Variants in SLC30A8 observed in about 807,000 individuals in gnomAD.
SLC30A8 encodes solute carrier family 30 member 8.
A neutral mutation model predicts 36.9 loss-of-function variants in SLC30A8; 27 were observed. The observed-to-expected ratio is 0.73, with a 90% CI of 0.54 to 1.01. The LOEUF is 1.01. SLC30A8 is among the 50% of genes least tolerant of loss of function. SLC30A8 has a pLI of 0.00. For missense variants in SLC30A8, 439 were observed against 452.0 expected (o/e 0.97, Z 0.26); for synonymous variants, 164 against 172.4 (o/e 0.95, Z 0.38).
chr8:117,119,483 C>T (rs1237728887), intron 2 of SLC30A8, among the ~76,000 whole-genome samples: 1 of 151,826 alleles, frequency 6.6e-6, no homozygotes, highest in Non-Finnish European at 1.5e-5. Context: ...AAGAGGAAGT[C>T]AAGGGGAATG....
At chr8:117,002,277 A>C (rs1477569416) in intron 1 of SLC30A8, among the ~76,000 whole-genome samples, 1 of 152,224 alleles carries the variant, frequency 6.6e-6, no homozygotes, top group Non-Finnish European at 1.5e-5. Context: ...TGCCAAGAGC[A>C]AGAGAGATAA....
rs145677283 is a variant in SLC30A8, at chr8:117,157,766, G to A, written c.494G>A (p.Arg165His). 7.1e-5 allele frequency: 115 copies of A among 1,614,048 alleles called. 1 individual carries two copies. In the Admixed American group the frequency reaches 1.1e-3, roughly 15 times the overall value. ...GTGCTAGTGTACCTGGCATGTGAGC[G>A]CCTGCTGTATCCTGATTACCAGATC... is the stretch of plus-strand genomic sequence containing the variant. The part of the protein sequence containing the change: ...TGVLVYLACE[R>H]LLYPDYQIQA... The change falls in exon 4 of 8, where the codon CGC becomes CAC. Residue 165 changes from arginine (R) to histidine (H), a missense_variant. Physicochemically the swap from Arg to His is conservative, Grantham distance 29. Coordinates refer to ENST00000456015, the MANE Select transcript of SLC30A8 (RefSeq NM_173851.3).
chr8:117,020,732 A>G (rs1449131408), intron 1 of SLC30A8, among the ~76,000 whole-genome samples: 1 of 152,196 alleles, frequency 6.6e-6, no homozygotes, highest in Non-Finnish European at 1.5e-5. Flanking sequence ...TTGGAGAGAT[A>G]TTGGTATTGT....
Position 117,161,865 on chromosome 8 carries a change from A to T in SLC30A8, c.700A>T (p.Ser234Cys). 1.2e-6 allele frequency: 2 copies of T among 1,613,494 alleles called. No individual in the cohort carries two copies. The highest frequency in any genetic ancestry group is 8.5e-7 in the Non-Finnish European group (1 of 1,179,624). Reference protein sequence around the residue: ...DLFQSISVLISALIIYFKPEY... With the variant: ...DLFQSISVLICALIIYFKPEY... ...ATTTCAGAGTATCAGTGTGCTAATT[A>T]GTGCACTTATTATCTACTTTAAGGT... Residue 234 changes from serine to cysteine, a missense_variant, in exon 5 of 8, where the codon AGT (serine) becomes TGT (cysteine). Ser to Cys is a moderately radical substitution (Grantham distance 112, BLOSUM62 -1). Transcript: ENST00000456015.
intron 2 of SLC30A8, among the ~76,000 whole-genome samples, chr8:117,077,256 C>G (rs921780777): frequency 2.0e-5 from 3 of 152,138 alleles, no homozygotes; most frequent in Admixed American, 6.6e-5. Flanking sequence ...TGTCAGGGCT[C>G]TAGCTCATAG....
chr8:116,957,753 G>A (rs1162436401), intron 1 of SLC30A8, among the ~76,000 whole-genome samples: 3 of 152,190 alleles, frequency 2.0e-5, no homozygotes, highest in African/African-American at 7.2e-5. Flanking sequence ...TTGTGGGATT[G>A]TATGATATTG....
chr8:117,053,288 T>C (rs1015823175), intron 2 of SLC30A8, among the ~76,000 whole-genome samples: 1 of 152,166 alleles, frequency 6.6e-6, no homozygotes, highest in Non-Finnish European at 1.5e-5. Context: ...TTTACTAAGA[T>C]TTTTTTCCCT....
At chr8:117,132,826 G>T (rs1158101018), upstream of SLC30A8, among the ~76,000 whole-genome samples, 1 of 151,968 alleles carries the variant, frequency 6.6e-6, no homozygotes, top group Non-Finnish European at 1.5e-5. Context: ...TATTTTACAT[G>T]ATATAATATG....
intron 1 of SLC30A8, among the ~76,000 whole-genome samples, chr8:117,001,422 T>C (rs2130686009): frequency 6.6e-6 from 1 of 152,234 alleles, no homozygotes; most frequent in South Asian, 2.1e-4. Flanking sequence ...CCTGACTATC[T>C]CTCTTCTCAG....
intron 2 of SLC30A8, among the ~76,000 whole-genome samples, chr8:117,057,049 C>T (rs183324625): frequency 1.3e-5 from 2 of 152,254 alleles, no homozygotes; most frequent in Non-Finnish European, 2.9e-5. Flanking sequence ...ATACCATAAA[C>T]CATGTAGCTT....
At chr8:117,039,496 A>G (rs1360559132) in intron 2 of SLC30A8, among the ~76,000 whole-genome samples, 1 of 152,148 alleles carries the variant, frequency 6.6e-6, no homozygotes, top group African/African-American at 2.4e-5. Flanking sequence ...CTCAAATCCC[A>G]TTCTACTCAT....
At chr8:117,159,683 A>G (rs1822677279) in intron 4 of SLC30A8, among the ~76,000 whole-genome samples, 1 of 152,204 alleles carries the variant, frequency 6.6e-6, no homozygotes, top group African/African-American at 2.4e-5. Context: ...GAGCACACAT[A>G]TTGCTGACTA....
At chr8:117,030,199 A>AGATGTTAGG (rs1197072921) in intron 1 of SLC30A8, among the ~76,000 whole-genome samples, 1 of 151,920 alleles carries the variant, frequency 6.6e-6, no homozygotes, top group Non-Finnish European at 1.5e-5. Flanking sequence ...ATAAGTTGTC[A>AGATGTTAGG]GATGTTAGGC....
At chr8:117,076,101 C>G (rs896996866) in intron 2 of SLC30A8, among the ~76,000 whole-genome samples, 1 of 152,150 alleles carries the variant, frequency 6.6e-6, no homozygotes, top group Non-Finnish European at 1.5e-5. Context: ...GAAATAATTT[C>G]AGACTTTAAA....
intron 1 of SLC30A8, among the ~76,000 whole-genome samples, chr8:117,001,393 G>C (rs1051963456): frequency 3.9e-5 from 6 of 152,072 alleles, no homozygotes; most frequent in African/African-American, 1.4e-4. Context: ...TGAGCAGCTG[G>C]ATCAAGTAGC....
chr8:117,030,919 CTT>C (rs1294745867), intron 1 of SLC30A8, among the ~76,000 whole-genome samples: 2 of 152,130 alleles, frequency 1.3e-5, no homozygotes, highest in Non-Finnish European at 2.9e-5. Context: ...GAGAACACGT[CTT>C]GGAAATTCTC....
intron 1 of SLC30A8, among the ~76,000 whole-genome samples, chr8:117,016,240 G>A (rs1383410035): frequency 6.6e-6 from 1 of 152,162 alleles, no homozygotes; most frequent in Admixed American, 6.5e-5. Flanking sequence ...TTTTAACCTT[G>A]CGCACAGAAA....
At position 117,160,446 on chromosome 8, in the gene SLC30A8, T is replaced by TGC. The variant is rs1554592248; in HGVS notation, c.573-1286_573-1285dup. Among the ~76,000 whole-genome samples, 882 of 144,556 alleles carry TGC rather than the reference T, an allele frequency of 6.1e-3. 9 individuals are homozygous for TGC. The highest frequency in any genetic ancestry group is 0.021 in the African/African-American group (808 of 39,282). The allele number at this position is 144,556 out of a possible 152,430, so 94.8% of individuals were successfully genotyped here. A position where few individuals can be genotyped will look rare whatever the true frequency, so the allele number is the denominator to read the frequency against. On this transcript the variant is annotated intron_variant, in intron 4 of 7. Coordinates refer to ENST00000456015, the MANE Select transcript of SLC30A8 (RefSeq NM_173851.3). ...GTGTGTGTGTGTGTGCGCGCACATGTGCGCGCGGTGGGGGAGTGGGGTGTT... is the reference window on the plus strand; with the variant it reads ...GTGTGTGTGTGTGTGCGCGCACATGTGCGCGCGCGGTGGGGGAGTGGGGTGTT...
chr8:117,111,972 G>C (rs1443074878), intron 2 of SLC30A8, among the ~76,000 whole-genome samples: 3 of 152,036 alleles, frequency 2.0e-5, no homozygotes, highest in Non-Finnish European at 4.4e-5. Context: ...TGGGAGCCAA[G>C]GTACCCCAAG....
Sources: gnomAD v4.1 joint callset for allele counts (sites outside exome capture counted in the v4.1 genomes callset) on GRCh38, gnomAD v4.1.1 for gene constraint, MANE v1.5 for transcripts, NCBI Gene and HGNC (gene_info 2026-07-23, HGNC 2026-07-21) for gene names.